The following TBC1D1 variants were observed in gnomAD, a reference collection of about 807,000 sequenced individuals.
TBC1D1 encodes the protein TBC1 domain family member 1, also known as TBC1 (tre-2/USP6, BUB2, cdc16) domain family, member 1.
TBC1D1 carries 89 observed loss-of-function variants against 125.6 expected under a neutral mutation model. That is an observed-to-expected ratio of 0.71 (90% confidence interval 0.60 to 0.85). The LOEUF (loss-of-function observed/expected upper bound fraction) is 0.85. Ranked by LOEUF, TBC1D1 falls within the 40% of genes least tolerant of loss-of-function variation. The pLI is 0.00. For missense variants in TBC1D1, 1,377 were observed against 1,469.2 expected (o/e 0.94, Z 1.03); for synonymous variants, 565 against 564.1 (o/e 1.00, Z -0.02).
intron 8 of TBC1D1, among the ~76,000 whole-genome samples, chr4:38,036,623 A>C (rs956856216): frequency 3.3e-5 from 5 of 152,094 alleles, no homozygotes; most frequent in African/African-American, 1.2e-4. Flanking sequence ...CCAAGTGTGC[A>C]GTTTTCATGG....
intron 7 of TBC1D1, among the ~76,000 whole-genome samples, chr4:38,030,195 G>A (rs1335366607): frequency 6.6e-6 from 1 of 152,180 alleles, no homozygotes; most frequent in Non-Finnish European, 1.5e-5. Context: ...ATATTCTTCC[G>A]CAGCAATGAG....
intron 2 of TBC1D1, among the ~76,000 whole-genome samples, chr4:38,007,652 C>A (rs1021498776): frequency 7.2e-5 from 11 of 152,204 alleles, no homozygotes; most frequent in African/African-American, 2.7e-4. Flanking sequence ...ACTTGCTTTC[C>A]ACCCTGTTTA....
intron 16 of TBC1D1, 55 bp downstream of exon 18, chr4:38,116,009 T>C (rs1190493268): frequency 2.5e-6 from 4 of 1,586,754 alleles, no homozygotes; most frequent in Admixed American, 1.7e-5. Context: ...ATGTTTCTTA[T>C]CCCTCTCCAG....
At position 38,137,504 on chromosome 4, in the gene TBC1D1, ATGTCCCAGTGTTTTTTTTGT is replaced by A; in HGVS notation, c.*173_*192del. Reference sequence around the variant, plus strand: ...AACTCCAACTTGCAATTCAGGGGGCATGTCCCAGTGTTTTTTTTGTTGTTTTTAGATACTAAATCGTCCCT... The same window carrying A: ...AACTCCAACTTGCAATTCAGGGGGCATGTTTTTAGATACTAAATCGTCCCT... On this transcript the variant is annotated 3_prime_UTR_variant, in exon 20 of 20. Transcript: ENST00000261439. 1.0e-6 allele frequency: 1 copy of A among 971,660 alleles called. No homozygotes were observed. The allele number at this position is 971,660 out of a possible 1,614,324, so 60.2% of individuals were successfully genotyped here.
At chr4:38,059,611 G>T (rs2152494778) in intron 12 of TBC1D1, among the ~76,000 whole-genome samples, 1 of 152,328 alleles carries the variant, frequency 6.6e-6, no homozygotes, top group Non-Finnish European at 1.5e-5. Context: ...CTTGTGTGAC[G>T]CTGAGTATGT....
chr4:38,089,578 T>G (rs1758088556), intron 12 of TBC1D1, among the ~76,000 whole-genome samples: 2 of 152,228 alleles, frequency 1.3e-5, no homozygotes, highest in Non-Finnish European at 2.9e-5. Flanking sequence ...TATATAAAGC[T>G]CTGAGAACAG....
At position 38,028,892 on chromosome 4, in the gene TBC1D1, A is replaced by G. The variant is rs143436890; in HGVS notation, c.1302+1013A>G. Among the ~76,000 whole-genome samples the G allele has an allele frequency of 7.6e-4, 116 of 152,230 alleles. 1 individual carries two copies. The highest frequency in any genetic ancestry group is 2.7e-3 in the African/African-American group (112 of 41,548). On this transcript the variant is annotated intron_variant, in intron 7 of 19. Transcript: ENST00000261439. ...CCAACACCTTTTTTTTTCATTTTTG[A>G]AAATAAATTTAGGTCATGCTGTCTA...
intron 2 of TBC1D1, among the ~76,000 whole-genome samples, chr4:37,986,882 G>C (rs1476418758): frequency 6.6e-6 from 1 of 152,180 alleles, no homozygotes; most frequent in East Asian, 1.9e-4. Flanking sequence ...TCTGCAGCCT[G>C]GTAGGACCAA....
intron 2 of TBC1D1, among the ~76,000 whole-genome samples, chr4:37,920,882 G>T (rs1186815510): frequency 6.6e-6 from 1 of 152,064 alleles, no homozygotes; most frequent in Admixed American, 6.6e-5. Flanking sequence ...AGGCCGAGGC[G>T]GGCCGATCAC....
chr4:38,093,753 G>A (rs769625812), intron 13 of TBC1D1, among the ~76,000 whole-genome samples: 1 of 151,980 alleles, frequency 6.6e-6, no homozygotes, highest in African/African-American at 2.4e-5. Context: ...GAATGGTCTC[G>A]AACTCCTGAC....
At chr4:37,909,753 C>G (rs1718149117) in intron 2 of TBC1D1, among the ~76,000 whole-genome samples, 1 of 152,164 alleles carries the variant, frequency 6.6e-6, no homozygotes. Context: ...TTTTGGAGGA[C>G]TTCTTACCTA....
At chr4:37,959,423 C>T (rs1729545095) in intron 2 of TBC1D1, among the ~76,000 whole-genome samples, 1 of 152,160 alleles carries the variant, frequency 6.6e-6, no homozygotes, top group Non-Finnish European at 1.5e-5. Flanking sequence ...TCTTCACCCT[C>T]ATTGTCTTCA....
intron 2 of TBC1D1, among the ~76,000 whole-genome samples, chr4:37,979,086 C>T (rs984662618): frequency 6.6e-6 from 1 of 152,058 alleles, no homozygotes; most frequent in Admixed American, 6.6e-5. Flanking sequence ...CATATTGGCC[C>T]GGCAGGTCTC....
chr4:37,908,015 A>G (rs1717703964), intron 2 of TBC1D1, among the ~76,000 whole-genome samples: 1 of 152,178 alleles, frequency 6.6e-6, no homozygotes, highest in Non-Finnish European at 1.5e-5. Flanking sequence ...CAGAAGTGTT[A>G]GGCTGGGGCT....
intron 12 of TBC1D1, among the ~76,000 whole-genome samples, chr4:38,078,177 C>G (rs1184593885): frequency 6.6e-6 from 1 of 152,148 alleles, no homozygotes; most frequent in African/African-American, 2.4e-5. Context: ...TCAAACAAAT[C>G]CCTTTCTGGC....
intron 2 of TBC1D1, among the ~76,000 whole-genome samples, chr4:37,926,503 T>G (rs1243073877): frequency 6.6e-6 from 1 of 152,242 alleles, no homozygotes; most frequent in Non-Finnish European, 1.5e-5. Flanking sequence ...TCAAAAACTC[T>G]ATGTAATGAT....
intron 2 of TBC1D1, among the ~76,000 whole-genome samples, chr4:37,958,908 G>A (rs1218568077): frequency 6.6e-6 from 1 of 152,084 alleles, no homozygotes; most frequent in African/African-American, 2.4e-5. Context: ...CAGTCTCCCC[G>A]TTCCCCATTG....
chr4:38,110,304 AC>A (rs1761996168), intron 15 of TBC1D1: 2 of 982,480 alleles, frequency 2.0e-6, no homozygotes, highest in Admixed American at 1.2e-4. Flanking sequence ...CCCTGAGGTC[AC>A]CATTCTTGAC....
At chr4:38,069,596 G>T (rs553269654) in intron 12 of TBC1D1, among the ~76,000 whole-genome samples, 2 of 151,854 alleles carry the variant, frequency 1.3e-5, no homozygotes, top group Non-Finnish European at 2.9e-5. Flanking sequence ...TCTTTATTCT[G>T]CACACCAGCT....
Sources: allele counts gnomAD v4.1 joint callset (sites outside exome capture counted in the v4.1 genomes callset), GRCh38; gene constraint gnomAD v4.1.1; transcripts MANE v1.5; gene names NCBI Gene and HGNC (gene_info 2026-07-23, HGNC 2026-07-21).